Variants in DNAH17 observed in about 807,000 individuals in gnomAD.
DNAH17 encodes the protein axonemal beta dynein heavy chain 17.
DNAH17 carries 376 observed loss-of-function variants against 485.6 expected under a neutral mutation model. The ratio of observed to expected loss-of-function variants is 0.77; its 90% CI spans 0.71 to 0.84. The LOEUF (loss-of-function observed/expected upper bound fraction) is 0.84, where lower values mean the gene tolerates loss of function less well. DNAH17 is among the 40% of genes least tolerant of loss of function. DNAH17 has a pLI of 0.00. For synonymous variants in DNAH17, 3,031 were observed against 2,405.9 expected (o/e 1.26, Z -7.60); for missense variants, 6,370 against 5,839.3 (o/e 1.09, Z -2.96).
intron 24 of DNAH17, among the ~76,000 whole-genome samples, chr17:78,525,883 A>C (rs749212319): frequency 2.0e-5 from 3 of 152,264 alleles, no homozygotes; most frequent in African/African-American, 4.8e-5. Context: ...TTGGAGCTGG[A>C]GGCCAAAGAG....
At chr17:78,497,199 G>A (rs1272907878) in intron 37 of DNAH17, among the ~76,000 whole-genome samples, 1 of 152,178 alleles carries the variant, frequency 6.6e-6, no homozygotes, top group Non-Finnish European at 1.5e-5. Flanking sequence ...TAAACCTAGA[G>A]CATCAGGGGC....
intron 7 of DNAH17, among the ~76,000 whole-genome samples, chr17:78,569,995 C>T (rs1473521977): frequency 2.6e-5 from 4 of 152,164 alleles, no homozygotes; most frequent in African/African-American, 2.4e-5. Context: ...TCTCGGGGTA[C>T]GGGGACTCTC....
intron 55 of DNAH17, among the ~76,000 whole-genome samples, chr17:78,468,016 CAA>C (rs1250610248): frequency 1.1e-4 from 10 of 88,600 alleles, no homozygotes; most frequent in South Asian, 4.0e-4. Context: ...AACTCCATCT[CAA>C]AAAAAAAAAA....
intron 17 of DNAH17, among the ~76,000 whole-genome samples, chr17:78,542,918 G>C (rs763736534): frequency 2.0e-5 from 3 of 152,170 alleles, no homozygotes; most frequent in Non-Finnish European, 4.4e-5. Flanking sequence ...GCCCACCCTC[G>C]GCAGCTCATC....
In DNAH17 at chr17:78,423,830, T is replaced by TA. The variant is rs2086212137; in HGVS notation, c.*75dup. ...AACCACCACCAGTTCCTGTAAAGAATAAGTCACAGGTGCACAGGTGAAGGG... is the reference window on the plus strand; with the variant it reads ...AACCACCACCAGTTCCTGTAAAGAATAAAGTCACAGGTGCACAGGTGAAGGG... On this transcript the variant is annotated 3_prime_UTR_variant, in exon 81 of 81. Coordinates refer to ENST00000389840, the MANE Select transcript of DNAH17 (RefSeq NM_173628.4). 9 of 1,548,008 alleles carry TA rather than the reference T, an allele frequency of 5.8e-6. No homozygotes were observed. The highest frequency in any genetic ancestry group is 7.0e-6 in the Non-Finnish European group (8 of 1,136,514).
chr17:78,574,086 A>C (rs1055022758), intron 2 of DNAH17, among the ~76,000 whole-genome samples: 2 of 152,176 alleles, frequency 1.3e-5, no homozygotes, highest in East Asian at 1.9e-4. Context: ...ATGGGCAGCA[A>C]CCGTACCCGG....
intron 65 of DNAH17, among the ~76,000 whole-genome samples, chr17:78,452,770 G>T (rs1035496073): frequency 6.6e-6 from 1 of 152,096 alleles, no homozygotes; most frequent in African/African-American, 2.4e-5. Flanking sequence ...AGTAAAAAGA[G>T]CCAGACACAA....
In DNAH17 at chr17:78,509,227, A is replaced by T. The variant is rs1277218984; in HGVS notation, c.4236+1157T>A. On this transcript the variant is annotated intron_variant, in intron 27 of 80. Coordinates refer to ENST00000389840, the MANE Select transcript of DNAH17 (RefSeq NM_173628.4). ...TGATCCACCCACCTTGGCCTCCCCA[A>T]AGCGTTGGGATTACAGGCGTGAGCC... Among the ~76,000 whole-genome samples the T allele has an allele frequency of 8.3e-5, 2 of 24,062 alleles. 1 individual carries two copies. Among genetic ancestry groups the T allele is most frequent in the East Asian group, 1.3e-3 (2 of 1,484 alleles). The allele number at this position is 24,062 out of a possible 152,430, so 15.8% of individuals were successfully genotyped here. A position where few individuals can be genotyped will look rare whatever the true frequency, so the allele number is the denominator to read the frequency against.
intron 27 of DNAH17, among the ~76,000 whole-genome samples, chr17:78,509,262 G>A (rs1193155168): frequency 8.6e-5 from 13 of 151,248 alleles, no homozygotes; most frequent in Non-Finnish European, 4.4e-5. Context: ...CACCGTGCCC[G>A]GTCCCCCGCT....
chr17:78,536,533 AAGCTGG>A (rs1193103350), intron 19 of DNAH17, among the ~76,000 whole-genome samples: 143 of 151,876 alleles, frequency 9.4e-4, no homozygotes, highest in African/African-American at 3.3e-3. Context: ...ATACATCACC[AAGCTGG>A]GCTTGGTGAT....
intron 17 of DNAH17, among the ~76,000 whole-genome samples, chr17:78,542,167 G>A (rs1435212828): frequency 1.4e-5 from 2 of 147,452 alleles, no homozygotes; most frequent in African/African-American, 5.0e-5. Context: ...TTTTTTCTGA[G>A]GTGGAGTCTC....
At chr17:78,511,219 T>C (rs542855778) in intron 26 of DNAH17, among the ~76,000 whole-genome samples, 1 of 152,370 alleles carries the variant, frequency 6.6e-6, no homozygotes, top group South Asian at 2.1e-4. Flanking sequence ...GCGATTCTCC[T>C]GCCTCAGCCT....
At position 78,495,336 on chromosome 17, in the gene DNAH17, C is replaced by G. The variant is rs539835823; in HGVS notation, c.5904-239G>C. Among the ~76,000 whole-genome samples, 675 of 152,322 alleles carry G rather than the reference C, an allele frequency of 4.4e-3. 6 individuals are homozygous for G. Among genetic ancestry groups the G allele is most frequent in the Non-Finnish European group, 7.7e-3 (521 of 68,016 alleles). ...CTCCTCTGAGAGCCACCCCAACCCCCCAACCCTGCTTTCCATCACTGTGTC... is the reference window on the plus strand; with the variant it reads ...CTCCTCTGAGAGCCACCCCAACCCCGCAACCCTGCTTTCCATCACTGTGTC... On this transcript the variant is annotated intron_variant, in intron 38 of 80. Coordinates refer to ENST00000389840, the MANE Select transcript of DNAH17 (RefSeq NM_173628.4).
At chr17:78,471,913 A>T (rs2080137764) in intron 54 of DNAH17, among the ~76,000 whole-genome samples, 1 of 152,132 alleles carries the variant, frequency 6.6e-6, no homozygotes, top group African/African-American at 2.4e-5. Context: ...TGGCCGCCTC[A>T]TCCCCAGGTA....
At chr17:78,516,832 C>A (rs1422017915) in intron 25 of DNAH17, among the ~76,000 whole-genome samples, 1 of 152,122 alleles carries the variant, frequency 6.6e-6, no homozygotes, top group Non-Finnish European at 1.5e-5. Flanking sequence ...TGTTTCTCCC[C>A]CTGTGTAAGA....
At chr17:78,469,776 C>T (rs118066708) in intron 54 of DNAH17, among the ~76,000 whole-genome samples, 4 of 152,296 alleles carry the variant, frequency 2.6e-5, no homozygotes, top group East Asian at 3.9e-4. Context: ...TGCTATAGCA[C>T]GGACAGACCT....
Position 78,571,781 on chromosome 17 carries a change from T to A in DNAH17, c.541A>T (p.Ile181Phe). ...LDGTLESMER[I>F]PSSLDNLLLH... ...AGCAAGTTGTCCAGTGAAGAGGGGA[T>A]CCTGCCCAGTGGAAGGTTGGGGCAT... The change falls in exon 4 of 81, where the codon ATC becomes TTC. Residue 181 changes from isoleucine to phenylalanine, a missense_variant and splice_region_variant. Transcript: ENST00000389840. 6.3e-7 allele frequency: 1 copy of A among 1,577,316 alleles called. No homozygotes were observed. Among genetic ancestry groups the A allele is most frequent in the Non-Finnish European group, 8.6e-7 (1 of 1,160,686 alleles).
intron 72 of DNAH17, among the ~76,000 whole-genome samples, chr17:78,439,566 C>G (rs1436357326): frequency 6.6e-6 from 1 of 151,622 alleles, no homozygotes; most frequent in Non-Finnish European, 1.5e-5. Context: ...TATTTCATAT[C>G]AAGGGAACTG....
chr17:78,441,339 CAG>C lies in DNAH17; in HGVS notation c.11529-142_11529-141del, dbSNP rs1009589884. On this transcript the variant is annotated intron_variant, in intron 71 of 80. Coordinates refer to ENST00000389840, the MANE Select transcript of DNAH17 (RefSeq NM_173628.4). ...CGGGACAAGGCCTGTGGCAGGAGAGCAGAGTCTTTACCGGGCTTTCCTTTCTG... is the reference window on the plus strand; with the variant it reads ...CGGGACAAGGCCTGTGGCAGGAGAGCAGTCTTTACCGGGCTTTCCTTTCTG... 3.8e-5 allele frequency: 36 copies of C among 949,896 alleles called. No individual in the cohort carries two copies. In the Middle Eastern group the frequency reaches 1.0e-3, roughly 27 times the overall value. 58.8% of individuals were successfully genotyped at this position (949,896 alleles called of 1,614,324 possible). A position where few individuals can be genotyped will look rare whatever the true frequency, so the allele number is the denominator to read the frequency against.
Sources: gnomAD v4.1 joint callset for allele counts (sites outside exome capture counted in the v4.1 genomes callset) on GRCh38, gnomAD v4.1.1 for gene constraint, MANE v1.5 for transcripts, NCBI Gene and HGNC (gene_info 2026-07-23, HGNC 2026-07-21) for gene names.